Variants in OSBPL10 observed in about 807,000 individuals in gnomAD.
The protein encoded by OSBPL10 is oxysterol binding protein like 10.
In OSBPL10, 49 loss-of-function variants were observed where a neutral mutation model predicts 81.7. The observed-to-expected ratio is 0.60, with a 90% CI of 0.48 to 0.76. The LOEUF (loss-of-function observed/expected upper bound fraction) is 0.76. Among genes scored for constraint, OSBPL10 ranks in the 30% least tolerant of loss-of-function variants. OSBPL10 has a pLI of 0.00. For synonymous variants in OSBPL10, 419 were observed against 383.6 expected, an observed-to-expected ratio of 1.09 and a Z score of -1.08; for missense variants, 923 against 987.8, an observed-to-expected ratio of 0.93 and a Z score of 0.88.
intron 1 of OSBPL10, among the ~76,000 whole-genome samples, chr3:31,919,812 A>AATCT (rs1696861385): frequency 6.6e-6 from 1 of 152,242 alleles, no homozygotes; most frequent in African/African-American, 2.4e-5. Context: ...AGGCACTGCA[A>AATCT]ATCTATCCAC....
chr3:31,924,662 G>A (rs1697020381), intron 1 of OSBPL10, among the ~76,000 whole-genome samples: 1 of 152,086 alleles, frequency 6.6e-6, no homozygotes, highest in Non-Finnish European at 1.5e-5. Flanking sequence ...AATTCAGTTG[G>A]ATGAGGGATT....
chr3:31,826,182 G>A (rs866966599), intron 4 of OSBPL10, among the ~76,000 whole-genome samples: 6 of 152,136 alleles, frequency 3.9e-5, no homozygotes, highest in African/African-American at 1.4e-4. Flanking sequence ...TTTGGTTTAT[G>A]TTTCATTCTT....
chr3:31,747,605 T>A (rs915300140), intron 5 of OSBPL10, among the ~76,000 whole-genome samples: 1 of 152,018 alleles, frequency 6.6e-6, no homozygotes, highest in African/African-American at 2.4e-5. Flanking sequence ...TATGTAAATA[T>A]GTTAGTTACA....
chr3:31,712,355 T>C (rs1352235455), intron 6 of OSBPL10, among the ~76,000 whole-genome samples: 3 of 152,196 alleles, frequency 2.0e-5, no homozygotes, highest in African/African-American at 7.2e-5. Context: ...CCGGAACCTG[T>C]GTATACGGCA....
intron 1 of OSBPL10, among the ~76,000 whole-genome samples, chr3:31,958,751 A>G (rs1698078843): frequency 6.6e-6 from 1 of 152,196 alleles, no homozygotes; most frequent in African/African-American, 2.4e-5. Flanking sequence ...AAACTAGAGA[A>G]CAGGCCTTTG....
rs1699365862 is a variant in OSBPL10 at position 32,021,851 on chromosome 3, T to A, written n.298+24640A>T. Reference sequence around the variant, plus strand: ...AAAATTAGCTGGGCATGGTGGTGCATGACTGTAGTCTCAGCTACTAGGGAG... The same window carrying A: ...AAAATTAGCTGGGCATGGTGGTGCAAGACTGTAGTCTCAGCTACTAGGGAG... On this transcript the variant is annotated intron_variant and non_coding_transcript_variant, in intron 2 of 3. Transcript: ENST00000479173. 1.3e-5 allele frequency among the ~76,000 whole-genome samples: 2 copies of A among 151,778 alleles called. 1 individual carries two copies. Among genetic ancestry groups the A allele is most frequent in the South Asian group, 4.2e-4 (2 of 4,806 alleles).
At chr3:31,747,431 G>A (rs4955111) in intron 5 of OSBPL10, among the ~76,000 whole-genome samples, 75,247 of 147,476 alleles carry the variant, frequency 0.51, 19,619 homozygotes, top group East Asian at 0.75. Context: ...GAAAGGTTCC[G>A]TGTCCATTTT....
intron 1 of OSBPL10, among the ~76,000 whole-genome samples, chr3:32,066,027 G>A (rs57958008): frequency 0.49 from 33,724 of 68,244 alleles, 13,258 homozygotes; most frequent in South Asian, 0.72. Flanking sequence ...GAAAGAAAGA[G>A]AGAGAGAGAG....
chr3:31,993,877 A>T (rs1388869108), intron 2 of OSBPL10, among the ~76,000 whole-genome samples: 2 of 152,216 alleles, frequency 1.3e-5, no homozygotes, highest in Non-Finnish European at 2.9e-5. Context: ...TTATACAAAT[A>T]TAATGAAAAC....
In OSBPL10 at chr3:31,912,956, TTAAG is replaced by T. The variant is rs1194855014; in HGVS notation, c.282-33130_282-33127del. ...CCTTGAGTCCAGCCTAGTTGTATTG[TTAAG>T]TAAGGCATTAGCAAGCTTAGAGATC... On this transcript the variant is annotated intron_variant, in intron 1 of 11. Coordinates refer to ENST00000396556, the MANE Select transcript of OSBPL10 (RefSeq NM_017784.5). Among the ~76,000 whole-genome samples the T allele has an allele frequency of 2.6e-5, 4 of 152,216 alleles. No individual in the cohort carries two copies. The South Asian group carries it at 8.3e-4, about 31-fold the overall frequency.
intron 2 of OSBPL10, chr3:31,989,800 T>A: frequency 6.2e-7 from 1 of 1,613,918 alleles, no homozygotes; most frequent in Non-Finnish European, 8.5e-7. Flanking sequence ...AGCCTTTAAT[T>A]GTAGCTCACT....
chr3:31,936,249 G>A (rs1559524557), intron 1 of OSBPL10, among the ~76,000 whole-genome samples: 1 of 152,002 alleles, frequency 6.6e-6, no homozygotes, highest in African/African-American at 2.4e-5. Context: ...AGGTACACCA[G>A]CAACTCTTAT....
At chr3:31,971,924 G>T (rs948698146) in intron 1 of OSBPL10, among the ~76,000 whole-genome samples, 5 of 152,130 alleles carry the variant, frequency 3.3e-5, no homozygotes, top group Non-Finnish European at 5.9e-5. Context: ...GCTCCTTAAG[G>T]TAGGGCCTGT....
At chr3:31,807,847 C>G (rs1699562091) in intron 4 of OSBPL10, among the ~76,000 whole-genome samples, 1 of 152,056 alleles carries the variant, frequency 6.6e-6, no homozygotes, top group African/African-American at 2.4e-5. Flanking sequence ...CCAAACTCCT[C>G]TAGGAAAGGA....
At chr3:31,923,815 A>T (rs6550086) in intron 1 of OSBPL10, among the ~76,000 whole-genome samples, 113,696 of 152,106 alleles carry the variant, frequency 0.75, 42,740 homozygotes, top group East Asian at 0.96. Context: ...AAGTAAAAGA[A>T]AAAGACCAGT....
chr3:31,844,990 G>A (rs1700593129), intron 3 of OSBPL10, among the ~76,000 whole-genome samples: 1 of 152,226 alleles, frequency 6.6e-6, no homozygotes, highest in African/African-American at 2.4e-5. Flanking sequence ...GCTGAGGCAG[G>A]AGGATCACTT....
intron 1 of OSBPL10, among the ~76,000 whole-genome samples, chr3:31,910,344 G>C (rs1198564963): frequency 6.6e-6 from 1 of 151,976 alleles, no homozygotes; most frequent in Non-Finnish European, 1.5e-5. Flanking sequence ...GCAGAATTCA[G>C]AGTCAGGGGG....
intron 4 of OSBPL10, among the ~76,000 whole-genome samples, chr3:31,794,060 G>A (rs1699112593): frequency 6.6e-6 from 1 of 152,198 alleles, no homozygotes; most frequent in South Asian, 2.1e-4. Flanking sequence ...CTCAGAAGGT[G>A]GAGGGGACTT....
intron 7 of OSBPL10, among the ~76,000 whole-genome samples, chr3:31,699,032 G>A (rs1695811825): frequency 1.3e-5 from 2 of 152,214 alleles, no homozygotes; most frequent in Admixed American, 6.5e-5. Context: ...GGCATGTGCA[G>A]TGCTCAACAA....
Sources: allele counts gnomAD v4.1 joint callset (sites outside exome capture counted in the v4.1 genomes callset), GRCh38; gene constraint gnomAD v4.1.1; transcripts MANE v1.5; gene names NCBI Gene and HGNC (gene_info 2026-07-23, HGNC 2026-07-21).